ATXN7L1: variants seen among roughly 807,000 people sequenced by gnomAD.
The protein encoded by ATXN7L1 is ataxin-7-like protein 1.
In ATXN7L1, 15 loss-of-function variants were observed where a neutral mutation model predicts 70.8. The observed-to-expected ratio is 0.21, with a 90% CI of 0.14 to 0.33. The LOEUF (loss-of-function observed/expected upper bound fraction) is 0.33, where lower values mean the gene tolerates loss of function less well. ATXN7L1 is among the 10% of genes least tolerant of loss of function. ATXN7L1 has a pLI of 1.00. For synonymous variants in ATXN7L1, 440 were observed against 445.1 expected (o/e 0.99, Z 0.14); for missense variants, 975 against 1,097.1 (o/e 0.89, Z 1.57).
chr7:105,736,559 A>G (rs1054963644), intron 3 of ATXN7L1, among the ~76,000 whole-genome samples: 4 of 152,236 alleles, frequency 2.6e-5, no homozygotes, highest in African/African-American at 9.6e-5. Context: ...ATCTATGGCC[A>G]AAGAATGGCT....
At chr7:105,632,921 TAAAAAAAAAAAAAA>T (rs11417434) in intron 7 of ATXN7L1, among the ~76,000 whole-genome samples, 1 of 60,060 alleles carries the variant, frequency 1.7e-5, no homozygotes, top group African/African-American at 7.2e-5. Flanking sequence ...ATCTTGTCTT[TAAAAAAAAAAAAAA>T]AAAAAAAAAA....
chr7:105,664,207 C>A (rs1284887859), intron 4 of ATXN7L1, among the ~76,000 whole-genome samples: 1 of 151,998 alleles, frequency 6.6e-6, no homozygotes, highest in African/African-American at 2.4e-5. Context: ...GACCTGGGAC[C>A]CAGTGTTGCG....
Position 105,876,519 on chromosome 7 carries a change from C to T in ATXN7L1, c.40G>A (p.Ala14Thr), listed in dbSNP as rs1429842350. 1 of 1,612,542 alleles carries T rather than the reference C, an allele frequency of 6.2e-7. No homozygotes were observed. The highest frequency in any genetic ancestry group is 1.7e-5 in the Admixed American group (1 of 59,842). ...TTTTTCCCTGTTCCTTCGGCAGCAG[C>T]AGCCGAGAGACACGGGATTCGAGAA... ...ERSRIPCLSAAAAEGTGKKQQ... is the reference protein window; with the variant it reads ...ERSRIPCLSATAAEGTGKKQQ... Residue 14 changes from alanine (A) to threonine (T), a missense_variant, in exon 1 of 12, where the codon GCT becomes ACT. Physicochemically the swap from Ala to Thr is moderately conservative, Grantham distance 58. Coordinates refer to ENST00000419735, the MANE Select transcript of ATXN7L1 (RefSeq NM_020725.2).
chr7:105,802,300 G>A (rs764106301), intron 2 of ATXN7L1, among the ~76,000 whole-genome samples: 11 of 152,108 alleles, frequency 7.2e-5, no homozygotes, highest in Non-Finnish European at 1.3e-4. Context: ...CGGCGCAGAG[G>A]TCCGACAATC....
At chr7:105,716,348 C>G (rs522136) in intron 3 of ATXN7L1, among the ~76,000 whole-genome samples, 39,503 of 151,872 alleles carry the variant, frequency 0.26, 6,357 homozygotes, top group African/African-American at 0.45. Flanking sequence ...AAATAGAAAC[C>G]TGAGCAGACC....
intron 3 of ATXN7L1, among the ~76,000 whole-genome samples, chr7:105,733,605 C>CCCATCCATCCATCCAT (rs1563048921): frequency 3.1e-4 from 4 of 13,016 alleles, no homozygotes; most frequent in African/African-American, 1.0e-3. Flanking sequence ...CATCCATCCA[C>CCCATCCATCCATCCAT]CCATCCATCC....
intron 3 of ATXN7L1, among the ~76,000 whole-genome samples, chr7:105,730,732 GA>G (rs71520934): frequency 2.9e-5 from 4 of 138,962 alleles, no homozygotes; most frequent in Middle Eastern, 3.6e-3. Context: ...ACTCCATCTC[GA>G]AAAAAAAAAG....
At chr7:105,625,906 T>C (rs904572057) in intron 7 of ATXN7L1, among the ~76,000 whole-genome samples, 1 of 152,210 alleles carries the variant, frequency 6.6e-6, no homozygotes, top group Non-Finnish European at 1.5e-5. Context: ...GTGACAAAGA[T>C]AGGGAGAAAA....
intron 2 of ATXN7L1, among the ~76,000 whole-genome samples, chr7:105,819,161 G>C (rs1284210628): frequency 6.6e-6 from 1 of 151,350 alleles, no homozygotes; most frequent in Non-Finnish European, 1.5e-5. Context: ...GTGATAGTTT[G>C]CTGAGAATGA....
chr7:105,856,370 G>A (rs1279196293), intron 2 of ATXN7L1, among the ~76,000 whole-genome samples: 1 of 152,160 alleles, frequency 6.6e-6, no homozygotes, highest in African/African-American at 2.4e-5. Flanking sequence ...TCGATCACCT[G>A]AGGTCAGGAG....
rs144429337 is a variant in ATXN7L1 at position 105,630,719 on chromosome 7, AAAATAAAT to A, written c.1203-6460_1203-6453del. ...GGGACAGAGTGAGACCCTGTCTCAA[AAAATAAAT>A]AAATAAATAAATAAATAAATAAAAG... On this transcript the variant is annotated intron_variant, in intron 7 of 11. Coordinates refer to ENST00000419735, the MANE Select transcript of ATXN7L1 (RefSeq NM_020725.2). Among the ~76,000 whole-genome samples the A allele has an allele frequency of 6.7e-5, 10 of 148,606 alleles. No individual in the cohort carries two copies. In the South Asian group the frequency reaches 1.3e-3, roughly 20 times the overall value.
intron 3 of ATXN7L1, among the ~76,000 whole-genome samples, chr7:105,667,750 T>C (rs1802886134): frequency 6.7e-6 from 1 of 150,108 alleles, no homozygotes; most frequent in Non-Finnish European, 1.5e-5. Context: ...TTCTGATAGA[T>C]GAGGTTATCA....
chr7:105,851,866 T>G (rs1814933561), intron 2 of ATXN7L1, among the ~76,000 whole-genome samples: 2 of 152,190 alleles, frequency 1.3e-5, no homozygotes, highest in African/African-American at 4.8e-5. Context: ...AGGGCACAAG[T>G]GAAGAATCAC....
chr7:105,662,027 T>C (rs7797493), intron 4 of ATXN7L1, among the ~76,000 whole-genome samples: 12,156 of 47,552 alleles, frequency 0.26, 653 homozygotes, highest in Middle Eastern at 0.31. Context: ...TCTTTCTTTC[T>C]TTCCTTCCTT....
At chr7:105,854,514 C>G (rs1384241968) in intron 2 of ATXN7L1, among the ~76,000 whole-genome samples, 1 of 111,284 alleles carries the variant, frequency 9.0e-6, no homozygotes, top group African/African-American at 3.6e-5. Context: ...AAAACAAACC[C>G]CAGACCCTTA....
intron 3 of ATXN7L1, among the ~76,000 whole-genome samples, chr7:105,704,855 C>T (rs1040908149): frequency 6.6e-6 from 1 of 151,776 alleles, no homozygotes; most frequent in African/African-American, 2.4e-5. Flanking sequence ...AGGTGATCTG[C>T]CCCCCTTGGC....
chr7:105,819,550 C>T lies in ATXN7L1; in HGVS notation c.251-30842G>A, dbSNP rs991731538. 5.8e-6 allele frequency: 8 copies of T among 1,388,606 alleles called. No homozygotes were observed. The African/African-American group carries it at 7.1e-5, about 12-fold the overall frequency. The allele number at this position is 1,388,606 out of a possible 1,614,324, so 86.0% of individuals were successfully genotyped here. On this transcript the variant is annotated intron_variant, in intron 2 of 11. Coordinates refer to ENST00000419735, the MANE Select transcript of ATXN7L1 (RefSeq NM_020725.2). ...CGAGGCCATCTCCTGGGCCGCCTGGCGGCCATCGTGGCTAAGTAGGTACTG... is the reference window on the plus strand; with the variant it reads ...CGAGGCCATCTCCTGGGCCGCCTGGTGGCCATCGTGGCTAAGTAGGTACTG...
At position 105,614,471 on chromosome 7, in the gene ATXN7L1, G is replaced by C; in HGVS notation, c.1863C>G (p.Thr621=). Residue 621 remains threonine, a synonymous_variant, in exon 10 of 12, where the codon ACC becomes ACG. Coordinates refer to ENST00000419735, the MANE Select transcript of ATXN7L1 (RefSeq NM_020725.2). This position sits in a 1 kb window ranked among gnomAD's most constrained non-coding sequence, Gnocchi z 4.3. ...IPSPSHKPSK[T]KTSKSSKVKD... ...TGACTTTTGAGGATTTGCTGGTTTT[G>C]GTTTTGGATGGCTTGTGGGATGGGG... is the stretch of plus-strand genomic sequence containing the variant. The C allele has an allele frequency of 2.0e-6, 3 of 1,536,934 alleles. No individual in the cohort carries two copies. The highest frequency in any genetic ancestry group is 2.6e-6 in the Non-Finnish European group (3 of 1,138,748).
chr7:105,871,960 G>T (rs1818332057), intron 2 of ATXN7L1, among the ~76,000 whole-genome samples: 1 of 152,030 alleles, frequency 6.6e-6, no homozygotes. Context: ...TGTGTCTTCT[G>T]AAGTTGTGGC....
Sources: allele counts gnomAD v4.1 joint callset (sites outside exome capture counted in the v4.1 genomes callset), GRCh38; gene constraint gnomAD v4.1.1; non-coding constraint Gnocchi (gnomAD v3.1); transcripts MANE v1.5; gene names NCBI Gene and HGNC (gene_info 2026-07-23, HGNC 2026-07-21).